The following MACROD2 variants were observed in gnomAD, a reference collection of about 807,000 sequenced individuals.
MACROD2 encodes ADP-ribose glycohydrolase MACROD2.
Under a neutral mutation model 70.4 loss-of-function variants are expected in MACROD2, and 36 were observed. The observed-to-expected ratio is 0.51, with a 90% CI of 0.39 to 0.68. The LOEUF (loss-of-function observed/expected upper bound fraction) is 0.68, where lower values mean the gene tolerates loss of function less well. Among genes scored for constraint, MACROD2 ranks in the 30% least tolerant of loss-of-function variants. The pLI is 0.00. For synonymous variants in MACROD2, 172 were observed against 178.8 expected, an observed-to-expected ratio of 0.96 and a Z score of 0.30; for missense variants, 496 against 538.4, an observed-to-expected ratio of 0.92 and a Z score of 0.78.
intron 4 of MACROD2, among the ~76,000 whole-genome samples, chr20:14,560,784 C>T (rs988712919): frequency 2.0e-5 from 3 of 151,772 alleles, no homozygotes; most frequent in African/African-American, 7.2e-5. Context: ...TATTTTAGCA[C>T]TAATTTCACA....
intron 3 of MACROD2, chr20:14,327,003 T>C: frequency 6.2e-7 from 1 of 1,613,686 alleles, no homozygotes; most frequent in South Asian, 1.1e-5. Flanking sequence ...CCCAGGGAAT[T>C]GTGCTAAGGT....
At chr20:15,597,618 A>G (rs947115707) in intron 8 of MACROD2, among the ~76,000 whole-genome samples, 1 of 152,214 alleles carries the variant, frequency 6.6e-6, no homozygotes, top group East Asian at 1.9e-4. Context: ...TGATGATGGC[A>G]TGGGGTTGAG....
chr20:15,846,319 T>C (rs77447891), intron 8 of MACROD2, among the ~76,000 whole-genome samples: 4,060 of 152,250 alleles, frequency 0.027, 187 homozygotes, highest in African/African-American at 0.091. Flanking sequence ...GTTCCCTCAC[T>C]GGTTTTGTCC....
At chr20:15,064,950 A>G (rs2075562112) in intron 5 of MACROD2, among the ~76,000 whole-genome samples, 2 of 152,200 alleles carry the variant, frequency 1.3e-5, no homozygotes, top group Admixed American at 1.3e-4. Context: ...CCTGTTCCAT[A>G]TCACATAAAG....
intron 6 of MACROD2, among the ~76,000 whole-genome samples, chr20:15,403,142 A>G (rs1371012998): frequency 6.6e-6 from 1 of 151,738 alleles, no homozygotes; most frequent in East Asian, 1.9e-4. Flanking sequence ...AATTTTTTGT[A>G]TTTTGAGTAG....
intron 3 of MACROD2, among the ~76,000 whole-genome samples, chr20:14,107,977 A>T (rs2054394027): frequency 6.6e-6 from 1 of 152,158 alleles, no homozygotes; most frequent in African/African-American, 2.4e-5. Context: ...AAAACAGAAT[A>T]TTATAACACT....
At chr20:14,544,964 G>A (rs1334800121) in intron 4 of MACROD2, among the ~76,000 whole-genome samples, 1 of 152,178 alleles carries the variant, frequency 6.6e-6, no homozygotes, top group Non-Finnish European at 1.5e-5. Flanking sequence ...CTAACAGTTG[G>A]AAGTCAGCTC....
chr20:15,702,956 A>G (rs1421371542), intron 8 of MACROD2, among the ~76,000 whole-genome samples: 8 of 152,196 alleles, frequency 5.3e-5, no homozygotes. Flanking sequence ...GACTAATGGA[A>G]CAGAATAGAG....
At chr20:14,799,397 G>A (rs2072547439) in intron 5 of MACROD2, among the ~76,000 whole-genome samples, 2 of 152,070 alleles carry the variant, frequency 1.3e-5, no homozygotes, top group Admixed American at 6.5e-5. Flanking sequence ...CAATTGGATA[G>A]TTTATGCAAA....
chr20:15,812,438 G>A (rs2063830836), intron 8 of MACROD2, among the ~76,000 whole-genome samples: 1 of 152,106 alleles, frequency 6.6e-6, no homozygotes. Context: ...CACAGCTTTT[G>A]ACTATGGAAG....
chr20:15,825,575 T>C (rs2063988900), intron 8 of MACROD2, among the ~76,000 whole-genome samples: 1 of 151,968 alleles, frequency 6.6e-6, no homozygotes, highest in African/African-American at 2.4e-5. Context: ...CTTGGCTCAC[T>C]GCAAGCTCCG....
At chr20:14,420,244 T>C (rs2083859927) in intron 3 of MACROD2, among the ~76,000 whole-genome samples, 1 of 151,906 alleles carries the variant, frequency 6.6e-6, no homozygotes, top group South Asian at 2.1e-4. Context: ...AGTAGTTTTA[T>C]GTTCATTATG....
chr20:15,672,170 C>T (rs537931541), intron 8 of MACROD2, among the ~76,000 whole-genome samples: 98 of 152,252 alleles, frequency 6.4e-4, no homozygotes, highest in South Asian at 3.1e-3. Context: ...GCTTATGAAT[C>T]GTCTCTGCAC....
rs140212604 is a variant in MACROD2, at chr20:15,435,826, G to C, written c.571+4391G>C. On this transcript the variant is annotated intron_variant, in intron 7 of 17. Transcript: ENST00000684519. The stretch of plus-strand genomic sequence containing the variant: ...CAGTACACCATTGTGGCGAATGGGA[G>C]GGAAATAGTGAAGATTGTCAGGCAT... Among the ~76,000 whole-genome samples, 629 of 152,212 alleles carry C rather than the reference G, an allele frequency of 4.1e-3. 1 individual carries two copies. The highest frequency in any genetic ancestry group is 6.4e-3 in the Non-Finnish European group (437 of 68,002).
intron 5 of MACROD2, among the ~76,000 whole-genome samples, chr20:15,210,708 T>G (rs1258901060): frequency 1.3e-5 from 2 of 152,160 alleles, no homozygotes; most frequent in African/African-American, 4.8e-5. Flanking sequence ...CCCCTTGCTC[T>G]TCCTGTGATA....
Position 14,990,800 on chromosome 20 carries a change from C to T in MACROD2, c.419-239140C>T, listed in dbSNP as rs1338509204. Among the ~76,000 whole-genome samples the T allele has an allele frequency of 3.3e-5, 5 of 152,238 alleles. No individual in the cohort carries two copies. In the East Asian group the frequency reaches 9.7e-4, roughly 29 times the overall value. On this transcript the variant is annotated intron_variant, in intron 5 of 17. Transcript: ENST00000684519. ...GTGCTGGGATTACAGGTGTGAGCCA[C>T]CACGCCCGGCTGAGAACTATGTTTC...
chr20:15,095,178 G>A (rs564161598), intron 5 of MACROD2, among the ~76,000 whole-genome samples: 18 of 141,496 alleles, frequency 1.3e-4, no homozygotes, highest in African/African-American at 3.4e-4. Context: ...CCAGGTTCAC[G>A]CCATTCTCCT....
At chr20:15,132,689 T>C (rs1172832385) in intron 5 of MACROD2, among the ~76,000 whole-genome samples, 1 of 151,924 alleles carries the variant, frequency 6.6e-6, no homozygotes, top group Non-Finnish European at 1.5e-5. Flanking sequence ...TTATAAAAGA[T>C]GAAGAAAACA....
At chr20:14,430,726 C>T (rs968654503) in intron 3 of MACROD2, among the ~76,000 whole-genome samples, 3 of 152,132 alleles carry the variant, frequency 2.0e-5, no homozygotes, top group Non-Finnish European at 4.4e-5. Flanking sequence ...TATTTCCCAG[C>T]TTCCCTTGCA....
Sources: allele counts gnomAD v4.1 joint callset (sites outside exome capture counted in the v4.1 genomes callset), GRCh38; gene constraint gnomAD v4.1.1; transcripts MANE v1.5; gene names NCBI Gene and HGNC (gene_info 2026-07-23, HGNC 2026-07-21).